ZNF407: variants seen among roughly 807,000 people sequenced by gnomAD.
ZNF407 encodes zinc finger protein 407.
A neutral mutation model predicts 131.2 loss-of-function variants in ZNF407; 17 were observed. That is an observed-to-expected ratio of 0.13 (90% CI 0.09 to 0.19). The LOEUF (loss-of-function observed/expected upper bound fraction) is 0.19, where lower values mean the gene tolerates loss of function less well. ZNF407 is among the 10% of genes least tolerant of loss of function. The pLI is 1.00. For missense variants in ZNF407, 2,681 were observed against 2,830.6 expected (o/e 0.95, Z 1.20); for synonymous variants, 1,156 against 1,062.0 (o/e 1.09, Z -1.72).
At position 74,631,243 on chromosome 18, in the gene ZNF407, G is replaced by T. The variant is rs749721516; in HGVS notation, c.224G>T (p.Arg75Leu). The change falls in exon 2 of 9, where the codon CGC becomes CTC. Residue 75 changes from arginine to leucine, a missense_variant. Arg to Leu is a moderately radical substitution (Grantham distance 102, BLOSUM62 -2). Coordinates refer to ENST00000299687, the MANE Select transcript of ZNF407 (RefSeq NM_017757.3). ...GEDRNKHASKRRKLDEAEPLK... is the reference protein window; with the variant it reads ...GEDRNKHASKLRKLDEAEPLK... ...GACAGAAATAAACATGCTTCCAAAC[G>T]CAGGAAATTAGATGAGGCAGAGCCC... The T allele has an allele frequency of 6.2e-7, 1 of 1,613,886 alleles. No individual in the cohort carries two copies.
intron 4 of ZNF407, among the ~76,000 whole-genome samples, chr18:74,842,570 CT>C (rs981773345): frequency 1.3e-4 from 19 of 149,180 alleles, no homozygotes; most frequent in South Asian, 6.5e-4. Context: ...ACAGTGACGC[CT>C]TTTTGACCCT....
At chr18:74,811,698 A>G (rs1439163556) in intron 4 of ZNF407, among the ~76,000 whole-genome samples, 3 of 152,062 alleles carry the variant, frequency 2.0e-5, no homozygotes, top group Non-Finnish European at 2.9e-5. Context: ...GCAGCCATAA[A>G]AAATGATGAG....
At chr18:74,986,910 T>G (rs910407053) in intron 8 of ZNF407, among the ~76,000 whole-genome samples, 7 of 152,236 alleles carry the variant, frequency 4.6e-5, no homozygotes, top group African/African-American at 1.7e-4. Flanking sequence ...ATTATGTTTA[T>G]CTTTCTTATA....
At chr18:74,642,813 G>A (rs566303394) in intron 3 of ZNF407, among the ~76,000 whole-genome samples, 5 of 152,238 alleles carry the variant, frequency 3.3e-5, no homozygotes, top group South Asian at 4.1e-4. Context: ...GTATGTGTGC[G>A]TTTGTAGAAC....
chr18:74,776,473 G>C (rs371975859), intron 3 of ZNF407, among the ~76,000 whole-genome samples: 1 of 152,200 alleles, frequency 6.6e-6, no homozygotes, highest in South Asian at 2.1e-4. Flanking sequence ...ATACTATGCA[G>C]ATCTCCTATT....
chr18:74,870,850 T>C (rs1380770560), intron 4 of ZNF407, among the ~76,000 whole-genome samples: 1 of 152,162 alleles, frequency 6.6e-6, no homozygotes, highest in Non-Finnish European at 1.5e-5. Flanking sequence ...GCACGATATA[T>C]AGTATTTTGA....
intron 8 of ZNF407, among the ~76,000 whole-genome samples, chr18:75,040,377 C>T (rs1361537151): frequency 2.0e-5 from 3 of 152,098 alleles, no homozygotes; most frequent in African/African-American, 7.2e-5. Context: ...GTTGATTCCC[C>T]ATGTTTAATA....
At chr18:74,672,096 G>T (rs1487563976) in intron 3 of ZNF407, among the ~76,000 whole-genome samples, 1 of 152,028 alleles carries the variant, frequency 6.6e-6, no homozygotes, top group Non-Finnish European at 1.5e-5. Flanking sequence ...ATTGCTGGGG[G>T]GTAGTGCTGA....
chr18:74,673,618 C>G (rs916125137), intron 3 of ZNF407, among the ~76,000 whole-genome samples: 1 of 152,172 alleles, frequency 6.6e-6, no homozygotes, highest in Non-Finnish European at 1.5e-5. Flanking sequence ...CATTGTACTG[C>G]CTCCCACAGA....
intron 6 of ZNF407, 75 bp downstream of exon 6, chr18:74,881,194 C>A: frequency 7.7e-7 from 1 of 1,306,640 alleles, no homozygotes; most frequent in Non-Finnish European, 1.1e-6. Context: ...TTCTTGATGT[C>A]ATCATTTACT....
rs938338288 is a variant in ZNF407, at chr18:74,812,015, A to C, written c.4877+30513A>C. On this transcript the variant is annotated intron_variant, in intron 4 of 8. Coordinates refer to ENST00000299687, the MANE Select transcript of ZNF407 (RefSeq NM_017757.3). ...CCTGCACATTGTGCACATGTACCCT[A>C]AAACTTAAGTATAAAAATAAAAAAA... 3.2e-4 allele frequency among the ~76,000 whole-genome samples: 48 copies of C among 152,178 alleles called. 1 individual carries two copies. Among genetic ancestry groups the C allele is most frequent in the African/African-American group, 9.9e-4 (41 of 41,436 alleles).
chr18:74,862,768 A>G (rs777626584), intron 4 of ZNF407, among the ~76,000 whole-genome samples: 3 of 151,812 alleles, frequency 2.0e-5, no homozygotes, highest in Non-Finnish European at 2.9e-5. Flanking sequence ...CTTTTTGCCA[A>G]CTCTTATTCA....
At position 74,982,061 on chromosome 18, in the gene ZNF407, G is replaced by A. The variant is rs894484000; in HGVS notation, c.5428+61369G>A. ...TATCTAAGAGAAAGGTGAGTACTTG[G>A]TTTTCAGAGAGCTACCAATACAGCA... is the stretch of plus-strand genomic sequence containing the variant. On this transcript the variant is annotated intron_variant, in intron 8 of 8. Transcript: ENST00000299687. 2.6e-5 allele frequency among the ~76,000 whole-genome samples: 4 copies of A among 152,186 alleles called. No homozygotes were observed. The East Asian group carries it at 7.7e-4, about 29-fold the overall frequency.
chr18:74,755,401 T>C lies in ZNF407; in HGVS notation c.4803-26027T>C, dbSNP rs550701256. On this transcript the variant is annotated intron_variant, in intron 3 of 8. Coordinates refer to ENST00000299687, the MANE Select transcript of ZNF407 (RefSeq NM_017757.3). ...ATCCTGTCATTATGATGTTAGCTGG[T>C]TATTTTGTTCGTTAGTTGATGCAGT... is the stretch of plus-strand genomic sequence containing the variant. 2.7e-4 allele frequency among the ~76,000 whole-genome samples: 41 copies of C among 152,294 alleles called. No individual in the cohort carries two copies. In the South Asian group the frequency reaches 7.7e-3, roughly 28 times the overall value.
chr18:74,692,861 G>A (rs1283708186), intron 3 of ZNF407, among the ~76,000 whole-genome samples: 1 of 152,150 alleles, frequency 6.6e-6, no homozygotes, highest in Non-Finnish European at 1.5e-5. Context: ...GTTCGAGTGT[G>A]GTTGCCCTTC....
intron 3 of ZNF407, among the ~76,000 whole-genome samples, chr18:74,733,002 A>T (rs1052583898): frequency 6.6e-6 from 1 of 152,172 alleles, no homozygotes; most frequent in Non-Finnish European, 1.5e-5. Flanking sequence ...ATAAGATTTA[A>T]TATTCTTTGA....
At chr18:74,676,467 C>T (rs573821103) in intron 3 of ZNF407, among the ~76,000 whole-genome samples, 75 of 131,766 alleles carry the variant, frequency 5.7e-4, no homozygotes, top group East Asian at 3.7e-3. Flanking sequence ...GACGGAGTCT[C>T]GCTCTGTCAC....
At chr18:75,027,721 T>C (rs936713229) in intron 8 of ZNF407, among the ~76,000 whole-genome samples, 1 of 151,872 alleles carries the variant, frequency 6.6e-6, no homozygotes, top group Non-Finnish European at 1.5e-5. Flanking sequence ...CAAGAGAGGG[T>C]TCAGAGTTCA....
rs1261387371 is a variant in ZNF407 at position 75,065,178 on chromosome 18, A to G, written c.*710A>G. 2.0e-5 allele frequency: 3 copies of G among 152,444 alleles called. No homozygotes were observed. The highest frequency in any genetic ancestry group is 7.2e-5 in the African/African-American group (3 of 41,454). The allele number at this position is 152,444 out of a possible 1,614,324, so 9.4% of individuals were successfully genotyped here. On this transcript the variant is annotated 3_prime_UTR_variant, in exon 9 of 9. Transcript: ENST00000299687. ...GGTTAAGAAAAGCCTTGAAGTTTAT[A>G]TTCAGTTAAAATATATGTCGGTGGA... is the stretch of plus-strand genomic sequence containing the variant.
Sources: allele counts gnomAD v4.1 joint callset (sites outside exome capture counted in the v4.1 genomes callset), GRCh38; gene constraint gnomAD v4.1.1; transcripts MANE v1.5; gene names NCBI Gene and HGNC (gene_info 2026-07-23, HGNC 2026-07-21).